Variants in PLSCR2 observed in about 807,000 individuals in gnomAD.
The protein encoded by PLSCR2 is phospholipid scramblase 2.
In PLSCR2, 18 loss-of-function variants were observed where a neutral mutation model predicts 25.3. That is an observed-to-expected ratio of 0.71 (90% CI 0.49 to 1.06). The LOEUF is 1.06. Among genes scored for constraint, PLSCR2 ranks in the 50% least tolerant of loss-of-function variants. The pLI, the probability that PLSCR2 is intolerant of heterozygous loss-of-function variation, is 0.00. For missense variants in PLSCR2, 243 were observed against 269.5 expected (o/e 0.90, Z 0.69); for synonymous variants, 88 against 87.3 (o/e 1.01, Z -0.04).
At chr3:146,488,836 T>A (rs2043440478) in intron 1 of PLSCR2, among the ~76,000 whole-genome samples, 1 of 152,102 alleles carries the variant, frequency 6.6e-6, no homozygotes, top group South Asian at 2.1e-4. Context: ...AGAAGGAATA[T>A]GAATCATTCT....
intron 1 of PLSCR2, among the ~76,000 whole-genome samples, chr3:146,477,241 T>C (rs574218941): frequency 1.3e-5 from 2 of 152,266 alleles, no homozygotes; most frequent in East Asian, 1.9e-4. Flanking sequence ...GGTTGGACAA[T>C]GGGTGCAGCC....
chr3:146,424,767 T>A (rs1218145323), intron 2 of PLSCR2, among the ~76,000 whole-genome samples: 2 of 152,106 alleles, frequency 1.3e-5, no homozygotes, highest in Non-Finnish European at 2.9e-5. Flanking sequence ...GTCCAGCAGA[T>A]CCACACTGTC....
intron 2 of PLSCR2, among the ~76,000 whole-genome samples, chr3:146,427,551 C>A (rs978523173): frequency 1.1e-4 from 16 of 152,194 alleles, no homozygotes; most frequent in Non-Finnish European, 2.1e-4. Flanking sequence ...CGGCAATGCA[C>A]ACAAGAATAC....
chr3:146,470,877 G>C (rs1042879209), intron 1 of PLSCR2, among the ~76,000 whole-genome samples: 1 of 151,990 alleles, frequency 6.6e-6, no homozygotes, highest in African/African-American at 2.4e-5. Context: ...TTTTCTAATC[G>C]GTAAAATGAG....
Position 146,406,964 on chromosome 3 carries a change from A to G in PLSCR2, c.101-11043T>C, listed in dbSNP as rs146805877. ...AGGTACTGTAATAAATTAGCTTGTG[A>G]TATTTCTGCTAATTGGGCATCTCTT... On this transcript the variant is annotated intron_variant and NMD_transcript_variant, in intron 2 of 3. Coordinates refer to the PLSCR2 transcript ENST00000463633. Among the ~76,000 whole-genome samples, 217 of 152,264 alleles carry G rather than the reference A, an allele frequency of 1.4e-3. 1 individual carries two copies. The highest frequency in any genetic ancestry group is 4.8e-3 in the African/African-American group (199 of 41,552).
chr3:146,481,911 T>C (rs1423966170), intron 1 of PLSCR2, among the ~76,000 whole-genome samples: 1 of 152,110 alleles, frequency 6.6e-6, no homozygotes, highest in Non-Finnish European at 1.5e-5. Flanking sequence ...AACAGAGGCT[T>C]CAGAAATAAC....
intron 2 of PLSCR2, among the ~76,000 whole-genome samples, chr3:146,412,343 C>T (rs935478654): frequency 1.3e-5 from 2 of 152,114 alleles, no homozygotes; most frequent in Non-Finnish European, 2.9e-5. Flanking sequence ...AAGTCTCTCC[C>T]TGGGCCCCCA....
rs535945285 is a variant in PLSCR2, at chr3:146,460,003, A to G, written c.-99T>C. On this transcript the variant is annotated 5_prime_UTR_variant, in exon 2 of 7. Coordinates refer to ENST00000610787, the Ensembl canonical transcript of PLSCR2. ...TAGTCATGCTGACGTCCTGGGTAGAAGGCCTGGGAGCCCAGGTGGTCAGCC... is the reference window on the plus strand; with the variant it reads ...TAGTCATGCTGACGTCCTGGGTAGAGGGCCTGGGAGCCCAGGTGGTCAGCC... 3.2e-5 allele frequency: 51 copies of G among 1,611,240 alleles called. No homozygotes were observed. The African/African-American group carries it at 4.3e-4, about 13-fold the overall frequency.
Position 146,459,372 on chromosome 3 carries a change from G to A in PLSCR2, c.57+476C>T, listed in dbSNP as rs373515517. ...TTATTCAGTATTGGAATTAAAAAGC[G>A]CAGAATCCAGAATCAGGGTGGTGAT... is the stretch of plus-strand genomic sequence containing the variant. On this transcript the variant is annotated intron_variant, in intron 2 of 6. Transcript: ENST00000610787. Among the ~76,000 whole-genome samples, 490 of 152,230 alleles carry A rather than the reference G, an allele frequency of 3.2e-3. 3 individuals are homozygous for A. Among genetic ancestry groups the A allele is most frequent in the South Asian group, 0.018 (86 of 4,826 alleles).
chr3:146,436,087 G>A lies in PLSCR2; in HGVS notation c.*35-2570C>T, dbSNP rs201757873. Reference sequence around the variant, plus strand: ...TGTCAAAGATCAGATGGTTGTACATGTGTGGTATTATTTCTGAGGGCTCTG... The same window carrying A: ...TGTCAAAGATCAGATGGTTGTACATATGTGGTATTATTTCTGAGGGCTCTG... On this transcript the variant is annotated intron_variant, in intron 8 of 8. Coordinates refer to the PLSCR2 transcript ENST00000336685. Among the ~76,000 whole-genome samples, 4 of 152,204 alleles carry A rather than the reference G, an allele frequency of 2.6e-5. No individual in the cohort carries two copies. In the East Asian group the frequency reaches 5.8e-4, roughly 22 times the overall value.
chr3:146,480,276 C>T (rs2043082599), intron 1 of PLSCR2, among the ~76,000 whole-genome samples: 1 of 151,872 alleles, frequency 6.6e-6, no homozygotes, highest in Non-Finnish European at 1.5e-5. Flanking sequence ...AAAAACCCTT[C>T]AAAAAATCAA....
At chr3:146,486,492 C>A (rs1158259402) in intron 1 of PLSCR2, among the ~76,000 whole-genome samples, 1 of 151,218 alleles carries the variant, frequency 6.6e-6, no homozygotes, top group Non-Finnish European at 1.5e-5. Context: ...GGGGATATCA[C>A]CAATGACTCC....
At chr3:146,495,562 A>G (rs2043716838) in intron 1 of PLSCR2, among the ~76,000 whole-genome samples, 1 of 151,802 alleles carries the variant, frequency 6.6e-6, no homozygotes, top group Admixed American at 6.6e-5. Flanking sequence ...AATAGACCCC[A>G]GAAAGACCCC....
At chr3:146,404,878 A>G (rs1033743875) in intron 2 of PLSCR2, among the ~76,000 whole-genome samples, 2 of 151,732 alleles carry the variant, frequency 1.3e-5, no homozygotes, top group Admixed American at 1.3e-4. Flanking sequence ...TAGGAAAAAT[A>G]ACATTAAGTC....
chr3:146,490,456 TC>T (rs1354912016), intron 1 of PLSCR2, among the ~76,000 whole-genome samples: 1 of 152,108 alleles, frequency 6.6e-6, no homozygotes, highest in African/African-American at 2.4e-5. Context: ...TGTTGAAGAC[TC>T]CCCCTATTAT....
At chr3:146,464,167 G>T (rs2041755097), upstream of PLSCR2, among the ~76,000 whole-genome samples, 1 of 152,174 alleles carries the variant, frequency 6.6e-6, no homozygotes, top group Non-Finnish European at 1.5e-5. Flanking sequence ...TCTATAAGGT[G>T]AACAATAAGC....
intron 5 of PLSCR2, among the ~76,000 whole-genome samples, chr3:146,450,929 C>T (rs1334887563): frequency 1.3e-5 from 2 of 151,344 alleles, no homozygotes; most frequent in Non-Finnish European, 2.9e-5. Context: ...CATGCATATA[C>T]AGATCATTAT....
upstream of PLSCR2, chr3:146,461,852 A>G (rs2041594776): frequency 1.8e-6 from 2 of 1,092,434 alleles, no homozygotes; most frequent in African/African-American, 1.6e-5. Context: ...TTTAAGCAGA[A>G]GAGTGAGTTC....
At position 146,455,193 on chromosome 3, in the gene PLSCR2, C is replaced by A. The variant is rs759917507; in HGVS notation, c.321+46G>T. 10 of 1,259,772 alleles carry A rather than the reference C, an allele frequency of 7.9e-6. No individual in the cohort carries two copies. The Admixed American group carries it at 1.2e-4, about 15-fold the overall frequency. 78.0% of individuals were successfully genotyped at this position (1,259,772 alleles called of 1,614,324 possible). On this transcript the variant is annotated intron_variant, in intron 4 of 6. Coordinates refer to ENST00000610787, the Ensembl canonical transcript of PLSCR2. ...ACAGATTCAATAAAAGGGTGGAAAT[C>A]CTTGCTGAACTACTTTATGAAAAGC...
Sources: gnomAD v4.1 joint callset for allele counts (sites outside exome capture counted in the v4.1 genomes callset) on GRCh38, gnomAD v4.1.1 for gene constraint, MANE v1.5 for transcripts, NCBI Gene and HGNC (gene_info 2026-07-23, HGNC 2026-07-21) for gene names.